Variants in ATP10B observed in about 807,000 individuals in gnomAD.
ATP10B encodes phospholipid-transporting ATPase VB.
Under a neutral mutation model 141.2 loss-of-function variants are expected in ATP10B, and 122 were observed. The observed-to-expected ratio is 0.86, with a 90% CI of 0.75 to 1.00. The LOEUF (loss-of-function observed/expected upper bound fraction) is 1.00. Among genes scored for constraint, ATP10B ranks in the 50% least tolerant of loss-of-function variants. The probability of loss-of-function intolerance (pLI) is 0.00; values close to 1 mark genes in which losing one functional copy is unlikely to be tolerated. For missense variants in ATP10B, 1,876 were observed against 1,825.3 expected, an observed-to-expected ratio of 1.03 and a Z score of -0.51; for synonymous variants, 685 against 692.0, an observed-to-expected ratio of 0.99 and a Z score of 0.16.
chr5:160,827,171 A>G lies in ATP10B; in HGVS notation c.-576+24770T>C, dbSNP rs147972476. On this transcript the variant is annotated intron_variant, in intron 1 of 25. Coordinates refer to ENST00000327245, the MANE Select transcript of ATP10B (RefSeq NM_025153.3). Reference sequence around the variant, plus strand: ...GGCATCATGGTCCTACCAATATGTGATGTCACCCCCAGAGGCCCAGCTGTA... The same window carrying G: ...GGCATCATGGTCCTACCAATATGTGGTGTCACCCCCAGAGGCCCAGCTGTA... Among the ~76,000 whole-genome samples the G allele has an allele frequency of 6.1e-3, 931 of 152,240 alleles. 15 individuals are homozygous for G. Among genetic ancestry groups the G allele is most frequent in the African/African-American group, 0.022 (897 of 41,532 alleles).
At chr5:160,748,109 C>T (rs1248123729) in intron 2 of ATP10B, among the ~76,000 whole-genome samples, 7 of 151,988 alleles carry the variant, frequency 4.6e-5, no homozygotes, top group African/African-American at 7.3e-5. Context: ...GCCAGGCTTC[C>T]AGAAACAGCT....
intron 20 of ATP10B, 180 bp from the exon 21 acceptor site, chr5:160,602,882 T>C: frequency 1.1e-5 from 7 of 653,364 alleles, no homozygotes; most frequent in South Asian, 9.6e-5. Flanking sequence ...TTCTGGGAAA[T>C]CCAAACCTCT....
chr5:160,818,890 A>G (rs144473416), intron 1 of ATP10B, among the ~76,000 whole-genome samples: 1,898 of 152,284 alleles, frequency 0.012, 17 homozygotes, highest in Non-Finnish European at 0.02. Flanking sequence ...TCAGCAAACT[A>G]TTTCAAGGAC....
chr5:160,652,035 G>A (rs140525221), intron 7 of ATP10B, among the ~76,000 whole-genome samples: 4 of 152,122 alleles, frequency 2.6e-5, no homozygotes, highest in Admixed American at 1.3e-4. Flanking sequence ...GTAATGCCTC[G>A]GAGTCCCTGC....
intron 9 of ATP10B, among the ~76,000 whole-genome samples, chr5:160,640,852 C>T (rs1363942654): frequency 6.6e-6 from 1 of 152,114 alleles, no homozygotes; most frequent in East Asian, 1.9e-4. Flanking sequence ...CAGGCTATGC[C>T]CTGTACAACT....
rs1348902071 is a variant in ATP10B at position 160,563,600 on chromosome 5, T to C, written c.*1853A>G. ...TGGGTTTCATGTAATTTTGACTTAA[T>C]ACCTATGTCAAGCCTGGGAAGAAAG... On this transcript the variant is annotated 3_prime_UTR_variant, in exon 26 of 26. Transcript: ENST00000327245. 6.6e-6 allele frequency: 1 copy of C among 152,178 alleles called. No individual in the cohort carries two copies. Among genetic ancestry groups the C allele is most frequent in the Non-Finnish European group, 1.5e-5 (1 of 68,028 alleles). The allele number at this position is 152,178 out of a possible 1,614,324, so 9.4% of individuals were successfully genotyped here.
intron 10 of ATP10B, 78 bp downstream of exon 10, chr5:160,640,383 T>G: frequency 2.6e-6 from 4 of 1,534,262 alleles, no homozygotes; most frequent in Non-Finnish European, 2.7e-6. Context: ...TAGCCCTACT[T>G]TATAAATGAG....
the ATP10B span, among the ~76,000 whole-genome samples, chr5:160,910,708 T>C: frequency 6.6e-6 from 1 of 152,230 alleles, no homozygotes; most frequent in East Asian, 1.9e-4. Context: ...AAACACTATA[T>C]TTAATGTGCT....
the ATP10B span, among the ~76,000 whole-genome samples, chr5:160,870,152 C>A: frequency 1.3e-5 from 2 of 152,098 alleles, no homozygotes; most frequent in African/African-American, 4.8e-5. Context: ...TTCATCCTAG[C>A]CATCCTGTCC....
chr5:160,881,290 C>T, the ATP10B span, among the ~76,000 whole-genome samples: 9 of 152,120 alleles, frequency 5.9e-5, no homozygotes, highest in African/African-American at 1.7e-4. Context: ...AATGACAACA[C>T]CAAATGCTAA....
chr5:160,850,811 C>T (rs1018319937), intron 1 of ATP10B, among the ~76,000 whole-genome samples: 2 of 152,146 alleles, frequency 1.3e-5, no homozygotes, highest in Non-Finnish European at 2.9e-5. Flanking sequence ...GAGGAGAGAT[C>T]CTGAACCCTT....
At chr5:160,877,541 C>T in the ATP10B span, among the ~76,000 whole-genome samples, 88 of 150,088 alleles carry the variant, frequency 5.9e-4, no homozygotes, top group African/African-American at 1.6e-3. Context: ...CCAGGGCAAT[C>T]AGGCAGGAGA....
chr5:160,603,841 G>A (rs1757230735), intron 20 of ATP10B, 124 bp downstream of exon 20: 1 of 730,040 alleles, frequency 1.4e-6, no homozygotes, highest in Non-Finnish European at 2.4e-6. Flanking sequence ...CATTGCTTAT[G>A]GAGGGCATTG....
At chr5:160,608,543 C>T (rs1757532071) in intron 18 of ATP10B, among the ~76,000 whole-genome samples, 1 of 152,184 alleles carries the variant, frequency 6.6e-6, no homozygotes, top group Non-Finnish European at 1.5e-5. Flanking sequence ...TACACGCCCA[C>T]CGATAGTGTA....
chr5:160,632,590 G>T, intron 12 of ATP10B: 5 of 298,186 alleles, frequency 1.7e-5, no homozygotes, highest in Admixed American at 4.9e-5. Flanking sequence ...TTTGAGCTTT[G>T]ACATAACCTG....
chr5:160,726,184 G>C (rs1371951803), intron 2 of ATP10B, among the ~76,000 whole-genome samples: 1 of 152,124 alleles, frequency 6.6e-6, no homozygotes, highest in Non-Finnish European at 1.5e-5. Flanking sequence ...ACTCTGGGGT[G>C]CTTTAGACCT....
chr5:160,752,650 G>T (rs1019636052), intron 2 of ATP10B, among the ~76,000 whole-genome samples: 1 of 152,110 alleles, frequency 6.6e-6, no homozygotes, highest in African/African-American at 2.4e-5. Context: ...TGAAAAATTT[G>T]GATTTTTCAC....
the ATP10B span, among the ~76,000 whole-genome samples, chr5:160,870,063 C>T: frequency 6.6e-6 from 1 of 152,138 alleles, no homozygotes; most frequent in Non-Finnish European, 1.5e-5. Context: ...CAGAGCCTAA[C>T]TGAATTAGGG....
chr5:160,850,497 T>A (rs1581653564), intron 1 of ATP10B, among the ~76,000 whole-genome samples: 1 of 152,122 alleles, frequency 6.6e-6, no homozygotes, highest in African/African-American at 2.4e-5. Context: ...GGTGTCCTTT[T>A]CTCTCAGTAA....
Sources: gnomAD v4.1 joint callset for allele counts (sites outside exome capture counted in the v4.1 genomes callset) on GRCh38, gnomAD v4.1.1 for gene constraint, MANE v1.5 for transcripts, NCBI Gene and HGNC (gene_info 2026-07-23, HGNC 2026-07-21) for gene names.